The following FILIP1L variants were observed in gnomAD, a reference collection of about 807,000 sequenced individuals.
FILIP1L encodes filamin A interacting protein 1 like.
Under a neutral mutation model 96.6 loss-of-function variants are expected in FILIP1L, and 55 were observed. The observed-to-expected ratio is 0.57, with a 90% CI of 0.46 to 0.71. FILIP1L has a LOEUF of 0.71. FILIP1L is among the 30% of genes least tolerant of loss of function. FILIP1L has a pLI of 0.00. For synonymous variants in FILIP1L, 467 were observed against 473.9 expected (o/e 0.99, Z 0.19); for missense variants, 1,304 against 1,321.2 (o/e 0.99, Z 0.20).
At chr3:99,953,943 C>G (rs963370468) in intron 1 of FILIP1L, among the ~76,000 whole-genome samples, 3 of 152,184 alleles carry the variant, frequency 2.0e-5, no homozygotes, top group African/African-American at 7.2e-5. Context: ...CCTCTCTTCC[C>G]ACATTGTAAG....
At chr3:100,008,741 AT>A (rs1214674020) in intron 1 of FILIP1L, among the ~76,000 whole-genome samples, 1 of 152,210 alleles carries the variant, frequency 6.6e-6, no homozygotes, top group African/African-American at 2.4e-5. Flanking sequence ...TCTTACTGTT[AT>A]AAACTCTAGA....
chr3:99,849,975 T>A lies in FILIP1L; in HGVS notation c.1701A>T (p.Leu567Phe), dbSNP rs1943582171. The change falls in exon 5 of 6, where the codon TTA becomes TTT. Residue 567 changes from leucine to phenylalanine, a missense_variant. Leu to Phe is a conservative substitution (Grantham distance 22). Coordinates refer to ENST00000477258, the MANE Select transcript of FILIP1L (RefSeq NM_001387850.1). ...MYSVTKERDD[L>F]KNKLKAEEEK... ...CTTCTTCCGCTTTCAATTTGTTTTT[T>A]AAATCATCTCTCTCCTTGGTTACGC... 1 of 1,612,582 alleles carries A rather than the reference T, an allele frequency of 6.2e-7. No homozygotes were observed. The highest frequency in any genetic ancestry group is 8.5e-7 in the Non-Finnish European group (1 of 1,179,748).
intron 5 of FILIP1L, among the ~76,000 whole-genome samples, chr3:99,830,851 T>C (rs1942647817): frequency 6.6e-6 from 1 of 152,222 alleles, no homozygotes; most frequent in African/African-American, 2.4e-5. Flanking sequence ...TGAATAGATA[T>C]TTGGCAATCA....
intron 1 of FILIP1L, among the ~76,000 whole-genome samples, chr3:99,992,030 G>GTA (rs139864021): frequency 9.7e-4 from 145 of 149,180 alleles, no homozygotes; most frequent in Non-Finnish European, 1.7e-3. Context: ...ATATATACGT[G>GTA]TATATATATA....
chr3:99,937,365 GT>G (rs1399429014), intron 1 of FILIP1L, among the ~76,000 whole-genome samples: 1 of 152,140 alleles, frequency 6.6e-6, no homozygotes, highest in African/African-American at 2.4e-5. Flanking sequence ...AAGATGTTCT[GT>G]TTTCATATAT....
intron 4 of FILIP1L, among the ~76,000 whole-genome samples, chr3:99,861,761 G>T (rs540128583): frequency 5.9e-5 from 9 of 152,318 alleles, no homozygotes; most frequent in Non-Finnish European, 1.2e-4. Flanking sequence ...ATAGGAACGA[G>T]ACAGTGGAAA....
rs1672422750 is a variant in FILIP1L, at chr3:99,850,855, A to G, written c.821T>C (p.Leu274Pro). The G allele has an allele frequency of 1.2e-6, 2 of 1,614,126 alleles. No homozygotes were observed. The highest frequency in any genetic ancestry group is 1.7e-6 in the Non-Finnish European group (2 of 1,180,012). ...TTNAKETHTK[L>P]ALAEARVQEE... ...CTGAACTCTGGCTTCAGCAAGGGCT[A>G]GTTTGGTATGTGTTTCCTTTGCATT... Residue 274 changes from leucine (L) to proline (P), a missense_variant, in exon 5 of 6, where the codon CTA becomes CCA. Coordinates refer to ENST00000477258, the MANE Select transcript of FILIP1L (RefSeq NM_001387850.1).
At chr3:100,038,405 T>G (rs967858473) in intron 1 of FILIP1L, among the ~76,000 whole-genome samples, 6 of 152,208 alleles carry the variant, frequency 3.9e-5, no homozygotes, top group African/African-American at 1.4e-4. Flanking sequence ...AAAAGCTGAT[T>G]AGCCAAATTA....
intron 4 of FILIP1L, among the ~76,000 whole-genome samples, chr3:99,906,563 G>A (rs1706624852): frequency 6.6e-6 from 1 of 152,090 alleles, no homozygotes. Context: ...TATGATTGGT[G>A]ACTTTATGTT....
At chr3:100,030,919 A>G (rs911331068) in intron 1 of FILIP1L, among the ~76,000 whole-genome samples, 6 of 152,202 alleles carry the variant, frequency 3.9e-5, no homozygotes, top group African/African-American at 1.4e-4. Flanking sequence ...CTTAAGAATG[A>G]AAAATATATA....
intron 1 of FILIP1L, among the ~76,000 whole-genome samples, chr3:99,994,520 A>T (rs746113439): frequency 2.0e-5 from 3 of 152,216 alleles, no homozygotes; most frequent in Non-Finnish European, 4.4e-5. Context: ...AAAAATCAAA[A>T]TCATATCAAA....
At chr3:99,979,975 G>A (rs1489519970) in intron 1 of FILIP1L, among the ~76,000 whole-genome samples, 1 of 151,694 alleles carries the variant, frequency 6.6e-6, no homozygotes, top group African/African-American at 2.4e-5. Context: ...TGAAGGAGGT[G>A]GTATGTAAGT....
chr3:99,837,381 A>T (rs888165231), intron 5 of FILIP1L, among the ~76,000 whole-genome samples: 14 of 152,144 alleles, frequency 9.2e-5, no homozygotes, highest in African/African-American at 3.4e-4. Flanking sequence ...AGGCAAGAAC[A>T]CCATGAAAAG....
At chr3:100,009,286 C>T (rs549075861) in intron 1 of FILIP1L, among the ~76,000 whole-genome samples, 2 of 152,192 alleles carry the variant, frequency 1.3e-5, no homozygotes, top group South Asian at 4.2e-4. Flanking sequence ...TTCCTGTTGT[C>T]CTGAAACAAA....
intron 4 of FILIP1L, among the ~76,000 whole-genome samples, chr3:99,871,123 G>A (rs1207738008): frequency 6.6e-6 from 1 of 152,164 alleles, no homozygotes; most frequent in Non-Finnish European, 1.5e-5. Context: ...AGATTTCACT[G>A]CCTTGACTTA....
intron 1 of FILIP1L, among the ~76,000 whole-genome samples, chr3:100,067,820 C>T (rs2065692241): frequency 6.6e-6 from 1 of 152,056 alleles, no homozygotes. Context: ...TTCAAAGAGG[C>T]TTTAATGGCC....
chr3:100,092,114 G>GA (rs1174046228), intron 1 of FILIP1L, among the ~76,000 whole-genome samples: 20 of 152,218 alleles, frequency 1.3e-4, no homozygotes, highest in Middle Eastern at 6.8e-3. Flanking sequence ...AAAGAATTTA[G>GA]AAAAAATGCA....
chr3:99,983,952 A>G (rs1447331431), intron 1 of FILIP1L, among the ~76,000 whole-genome samples: 1 of 151,948 alleles, frequency 6.6e-6, no homozygotes, highest in Non-Finnish European at 1.5e-5. Context: ...ATACCACAAG[A>G]TATAAATCAG....
intron 1 of FILIP1L, among the ~76,000 whole-genome samples, chr3:100,077,103 T>A (rs996518203): frequency 6.6e-6 from 1 of 152,236 alleles, no homozygotes; most frequent in Non-Finnish European, 1.5e-5. Context: ...CAGACAGCTG[T>A]GTTTTGCATT....
Sources: gnomAD v4.1 joint callset for allele counts (sites outside exome capture counted in the v4.1 genomes callset) on GRCh38, gnomAD v4.1.1 for gene constraint, MANE v1.5 for transcripts, NCBI Gene and HGNC (gene_info 2026-07-23, HGNC 2026-07-21) for gene names.